The following CPAP variants were observed in gnomAD, a reference collection of about 807,000 sequenced individuals.
CPAP encodes centrosome assembly and centriole elongation protein.
the CPAP span, chr13:24,883,946 A>ACAT: frequency 9.3e-6 from 15 of 1,613,968 alleles, no homozygotes; most frequent in Admixed American, 1.7e-5. Flanking sequence ...TTTTCTGTGA[A>ACAT]CATAATGTTG....
chr13:24,903,942 C>T, the CPAP span: 1 of 1,614,102 alleles, frequency 6.2e-7, no homozygotes, highest in African/African-American at 1.3e-5. Flanking sequence ...TTTTCCAAGG[C>T]ACTTTCTCGT....
At chr13:24,883,381 A>T in the CPAP span, 79 of 1,548,796 alleles carry the variant, frequency 5.1e-5, no homozygotes, top group African/African-American at 1.4e-4. Flanking sequence ...TGTAAAATTT[A>T]AAAAAAATAT....
At chr13:24,929,035 G>T in the CPAP span, among the ~76,000 whole-genome samples, 1 of 152,152 alleles carries the variant, frequency 6.6e-6, no homozygotes. Flanking sequence ...TTACATAGTA[G>T]TTTGATGGTT....
At chr13:24,893,180 CA>C in the CPAP span, among the ~76,000 whole-genome samples, 1 of 152,060 alleles carries the variant, frequency 6.6e-6, no homozygotes, top group Non-Finnish European at 1.5e-5. Flanking sequence ...GAAAGGGATC[CA>C]GGGGGGAGAT....
the CPAP span, among the ~76,000 whole-genome samples, chr13:24,908,435 CAAAAA>C: frequency 4.9e-5 from 4 of 80,904 alleles, no homozygotes; most frequent in Non-Finnish European, 8.6e-5. Flanking sequence ...CCCGTCTCTA[CAAAAA>C]AAAAAAAAAA....
At chr13:24,908,147 A>T in the CPAP span, 1 of 1,528,576 alleles carries the variant, frequency 6.5e-7, no homozygotes, top group Non-Finnish European at 9.1e-7. Context: ...AATTAAGAAC[A>T]ATTTAGCTCA....
At chr13:24,908,435 CAAAAAAAAAAAAA>C in the CPAP span, among the ~76,000 whole-genome samples, 10 of 80,878 alleles carry the variant, frequency 1.2e-4, no homozygotes, top group East Asian at 2.2e-3. Context: ...CCCGTCTCTA[CAAAAAAAAAAAAA>C]AAAAAAAAAA....
At chr13:24,912,761 G>A in the CPAP span, 1 of 1,614,198 alleles carries the variant, frequency 6.2e-7, no homozygotes, top group South Asian at 1.1e-5. Flanking sequence ...TTATCTGACT[G>A]TGGTTTGTAA....
the CPAP span, chr13:24,905,517 T>C: frequency 6.2e-7 from 1 of 1,614,200 alleles, no homozygotes; most frequent in South Asian, 1.1e-5. Context: ...GGTGCAATCT[T>C]CCTTTTTATT....
the CPAP span, chr13:24,884,450 T>C: frequency 6.2e-7 from 1 of 1,614,104 alleles, no homozygotes; most frequent in South Asian, 1.1e-5. Flanking sequence ...CCCATTCTTA[T>C]AAACCTTTTC....
the CPAP span, chr13:24,883,141 G>C: frequency 6.5e-7 from 1 of 1,545,814 alleles, no homozygotes; most frequent in Non-Finnish European, 8.9e-7. Context: ...AACATAAAAA[G>C]TCAGTTACTG....
chr13:24,915,955 T>C, the CPAP span, among the ~76,000 whole-genome samples: 1 of 152,168 alleles, frequency 6.6e-6, no homozygotes, highest in Non-Finnish European at 1.5e-5. Context: ...GACCTCTGAA[T>C]TTGGCAAAGC....
At chr13:24,889,465 CTAA>C in the CPAP span, 2 of 1,067,664 alleles carry the variant, frequency 1.9e-6, no homozygotes, top group Admixed American at 1.8e-5. Context: ...CTAAGTGAAA[CTAA>C]TAAAACTCAG....
the CPAP span, chr13:24,908,072 T>C: frequency 2.5e-6 from 4 of 1,613,108 alleles, no homozygotes; most frequent in Admixed American, 1.7e-5. Flanking sequence ...TAAGTTCTTA[T>C]CATTTGCTTC....
At chr13:24,928,751 A>G in the CPAP span, among the ~76,000 whole-genome samples, 1 of 152,122 alleles carries the variant, frequency 6.6e-6, no homozygotes, top group East Asian at 1.9e-4. Context: ...TTCTAACAAC[A>G]ATGTTGGGTG....
At chr13:24,894,672 G>T in the CPAP span, among the ~76,000 whole-genome samples, 6 of 152,230 alleles carry the variant, frequency 3.9e-5, no homozygotes, top group African/African-American at 1.4e-4. Flanking sequence ...CCAGCCAGCG[G>T]TAAGGATGGG....
At chr13:24,923,885 A>G in the CPAP span, among the ~76,000 whole-genome samples, 116,920 of 152,008 alleles carry the variant, frequency 0.77, 45,338 homozygotes, top group African/African-American at 0.88. Context: ...CTGGAGTACA[A>G]TGGCGCGATC....
At chr13:24,885,449 T>C in the CPAP span, 1 of 1,260,724 alleles carries the variant, frequency 7.9e-7, no homozygotes, top group South Asian at 1.2e-5. Context: ...CAGATTCTGA[T>C]ATAGGGTTCT....
the CPAP span, chr13:24,905,848 A>C: frequency 3.1e-6 from 5 of 1,614,124 alleles, no homozygotes; most frequent in Non-Finnish European, 4.2e-6. Context: ...CTTGTGGGCT[A>C]TCCTCTCTGC....
Sources: allele counts gnomAD v4.1 joint callset (sites outside exome capture counted in the v4.1 genomes callset), GRCh38; gene constraint gnomAD v4.1.1; transcripts MANE v1.5; gene names NCBI Gene and HGNC (gene_info 2026-07-23, HGNC 2026-07-21).